DAB2: variants seen among roughly 807,000 people sequenced by gnomAD.
The protein encoded by DAB2 is DAB adaptor protein 2.
Under a neutral mutation model 71.6 loss-of-function variants are expected in DAB2, and 28 were observed. The observed-to-expected ratio is 0.39, with a 90% CI of 0.29 to 0.54. The LOEUF is 0.54. Ranked by LOEUF, DAB2 falls within the 20% of genes least tolerant of loss-of-function variation. DAB2 has a pLI of 0.68. For missense variants in DAB2, 867 were observed against 928.8 expected (o/e 0.93, Z 0.86); for synonymous variants, 345 against 339.7 (o/e 1.02, Z -0.17).
chr5:39,382,490 T>G (rs1755001141), intron 10 of DAB2, 128 bp downstream of exon 10: 4 of 1,052,010 alleles, frequency 3.8e-6, no homozygotes, highest in Non-Finnish European at 5.5e-6. Context: ...CCAAAGTGCC[T>G]TATCCCACCT....
intron 11 of DAB2, 33 bp from the exon 12 acceptor site, chr5:39,377,315 A>G (rs941494309): frequency 6.3e-7 from 1 of 1,581,768 alleles, no homozygotes; most frequent in South Asian, 1.2e-5. Flanking sequence ...ACTTATCAGG[A>G]GTCAAGCTTG....
At chr5:39,419,311 A>G (rs1036501922) in intron 1 of DAB2, among the ~76,000 whole-genome samples, 7 of 152,190 alleles carry the variant, frequency 4.6e-5, no homozygotes, top group South Asian at 2.1e-4. Flanking sequence ...TTGCTAACCT[A>G]GCATCAGACT....
intron 11 of DAB2, among the ~76,000 whole-genome samples, chr5:39,379,857 T>C (rs1416926849): frequency 6.6e-6 from 1 of 152,122 alleles, no homozygotes; most frequent in African/African-American, 2.4e-5. Flanking sequence ...TTGAGTCCCA[T>C]GTCCAAACTT....
At chr5:39,373,938 T>C (rs1754758123) in intron 14 of DAB2, among the ~76,000 whole-genome samples, 1 of 152,124 alleles carries the variant, frequency 6.6e-6, no homozygotes, top group African/African-American at 2.4e-5. Flanking sequence ...AGAAATTCCT[T>C]AGGGCTGCAG....
At position 39,392,473 on chromosome 5, in the gene DAB2, G is replaced by A. The variant is rs755677001; in HGVS notation, c.232-10C>T. ...CAGCTGCCGCCATTCCCTGATGAGG[G>A]TGGAAAAACAAGAGAAGTTGAATTT... On this transcript the variant is annotated splice_polypyrimidine_tract_variant and intron_variant, in intron 3 of 14. Transcript: ENST00000320816. 29 of 1,598,738 alleles carry A rather than the reference G, an allele frequency of 1.8e-5. No individual in the cohort carries two copies. Among genetic ancestry groups the A allele is most frequent in the Non-Finnish European group, 2.4e-5 (28 of 1,166,608 alleles).
At position 39,383,171 on chromosome 5, in the gene DAB2, C is replaced by G. The variant is rs1755023350; in HGVS notation, c.788G>C (p.Cys263Ser). 7 of 1,614,032 alleles carry G rather than the reference C, an allele frequency of 4.3e-6. No homozygotes were observed. The highest frequency in any genetic ancestry group is 4.2e-6 in the Non-Finnish European group (5 of 1,180,006). ...CTGAGGCGTTGGTCGAGGAAGAGAACAGGAGGTGATGCCGTTTGTTAAGAA... is the reference window on the plus strand; with the variant it reads ...CTGAGGCGTTGGTCGAGGAAGAGAAGAGGAGGTGATGCCGTTTGTTAAGAA... ...NPFLTNGITS[C>S]SLPRPTPQAS... is the part of the protein sequence containing the mutation. Residue 263 changes from cysteine to serine, a missense_variant, in exon 10 of 15, where the codon TGT (cysteine) becomes TCT (serine). By Grantham distance (112) the Cys-to-Ser change is moderately radical. Around this residue, in one of 2 missense-constraint regions of DAB2, gnomAD observed 740 missense variants for 734.3 expected, o/e 1.01. Coordinates refer to ENST00000320816, the MANE Select transcript of DAB2 (RefSeq NM_001343.4).
chr5:39,421,633 T>C (rs938908412), intron 1 of DAB2, among the ~76,000 whole-genome samples: 2 of 152,208 alleles, frequency 1.3e-5, no homozygotes, highest in African/African-American at 2.4e-5. Flanking sequence ...ACCAGGAATT[T>C]GCTTGTTTTC....
At chr5:39,398,172 A>T (rs1755411450) in intron 1 of DAB2, among the ~76,000 whole-genome samples, 1 of 152,212 alleles carries the variant, frequency 6.6e-6, no homozygotes, top group South Asian at 2.1e-4. Flanking sequence ...ACATGAGACT[A>T]TTTTAAAAGA....
chr5:39,395,937 CT>C lies in DAB2; in HGVS notation c.-101-1517del, dbSNP rs3024228. On this transcript the variant is annotated intron_variant, in intron 1 of 14. Transcript: ENST00000320816. ...GAGGGAAGGCTAAGACACAGATATT[CT>C]TTTTTTTTTTTTTTTTTTTTTTGAG... 7.8e-3 allele frequency among the ~76,000 whole-genome samples: 580 copies of C among 74,780 alleles called. 1 individual carries two copies. The highest frequency in any genetic ancestry group is 0.029 in the African/African-American group (518 of 17,932). The allele number at this position is 74,780 out of a possible 152,430, so 49.1% of individuals were successfully genotyped here.
At chr5:39,421,200 T>G (rs1270851001) in intron 1 of DAB2, among the ~76,000 whole-genome samples, 1 of 152,198 alleles carries the variant, frequency 6.6e-6, no homozygotes, top group Non-Finnish European at 1.5e-5. Context: ...TAAAATCAAG[T>G]GCTTGAATAA....
intron 1 of DAB2, among the ~76,000 whole-genome samples, chr5:39,402,844 A>G (rs990040421): frequency 1.1e-4 from 17 of 152,218 alleles, no homozygotes; most frequent in Non-Finnish European, 2.4e-4. Context: ...GACTCTGGGA[A>G]CAAAATCTAC....
intron 4 of DAB2, among the ~76,000 whole-genome samples, chr5:39,391,378 G>C (rs1275180913): frequency 2.0e-5 from 3 of 152,260 alleles, no homozygotes; most frequent in South Asian, 4.1e-4. Flanking sequence ...AGACACAGAA[G>C]GGTGAGAGAA....
At chr5:39,381,289 T>A (rs944480008) in intron 11 of DAB2, among the ~76,000 whole-genome samples, 165 bp downstream of exon 11, 1 of 152,130 alleles carries the variant, frequency 6.6e-6, no homozygotes, top group African/African-American at 2.4e-5. Context: ...GTCAAGAATA[T>A]CAAATGGATG....
intron 11 of DAB2, among the ~76,000 whole-genome samples, chr5:39,380,111 A>G (rs868853716): frequency 2.0e-5 from 3 of 152,198 alleles, no homozygotes; most frequent in Admixed American, 6.5e-5. Context: ...AGGGAAGGGT[A>G]CCAACCAGCT....
intron 1 of DAB2, among the ~76,000 whole-genome samples, chr5:39,423,135 A>G (rs1756027605): frequency 6.6e-6 from 1 of 152,228 alleles, no homozygotes; most frequent in South Asian, 2.1e-4. Context: ...TAGGTCAGTC[A>G]TTTGGATGAG....
chr5:39,413,753 G>A (rs757277691), intron 1 of DAB2, among the ~76,000 whole-genome samples: 8 of 152,174 alleles, frequency 5.3e-5, no homozygotes, highest in African/African-American at 1.4e-4. Context: ...ATATTGGGGC[G>A]ATGCGCTTTC....
chr5:39,391,185 T>C (rs560573140), intron 4 of DAB2, among the ~76,000 whole-genome samples: 1 of 152,248 alleles, frequency 6.6e-6, no homozygotes, highest in African/African-American at 2.4e-5. Context: ...TAACCAGGAA[T>C]TATAAGGGGT....
intron 4 of DAB2, 94 bp downstream of exon 4, chr5:39,392,271 C>A: frequency 8.0e-6 from 7 of 878,882 alleles, no homozygotes; most frequent in Admixed American, 1.8e-5. Context: ...CCCCACAGAA[C>A]TTTGAGAACG....
intron 1 of DAB2, among the ~76,000 whole-genome samples, chr5:39,421,787 G>A (rs942556159): frequency 6.6e-6 from 1 of 151,930 alleles, no homozygotes; most frequent in African/African-American, 2.4e-5. Flanking sequence ...CGGGTGTGGT[G>A]GGCTCATGCC....
Sources: allele counts gnomAD v4.1 joint callset (sites outside exome capture counted in the v4.1 genomes callset), GRCh38; gene constraint gnomAD v4.1.1; regional missense constraint gnomAD v4.1.1; transcripts MANE v1.5; gene names NCBI Gene and HGNC (gene_info 2026-07-23, HGNC 2026-07-21).